The following SLC26A5 variants were observed in gnomAD, a reference collection of about 807,000 sequenced individuals.
SLC26A5 encodes solute carrier family 26 member 5, also known as prestin.
A neutral mutation model predicts 81.0 loss-of-function variants in SLC26A5; 51 were observed. That is an observed-to-expected ratio of 0.63 (90% CI 0.50 to 0.80). The LOEUF is 0.80. SLC26A5 is among the 30% of genes least tolerant of loss of function. The probability of loss-of-function intolerance (pLI) is 0.00; values close to 1 mark genes in which losing one functional copy is unlikely to be tolerated. For synonymous variants in SLC26A5, 325 were observed against 332.8 expected (o/e 0.98, Z 0.25); for missense variants, 771 against 905.8 (o/e 0.85, Z 1.91).
rs1413262458 is a variant in SLC26A5, at chr7:103,356,882, C to CT, written c.2042-3957dup. Among the ~76,000 whole-genome samples the CT allele has an allele frequency of 2.0e-5, 3 of 152,188 alleles. No individual in the cohort carries two copies. The East Asian group carries it at 5.8e-4, about 29-fold the overall frequency. ...AACATATTCTCCTCTGTTTATAATC[C>CT]TTTTAAAAATTTTGTTTTTATTTTT... On this transcript the variant is annotated intron_variant, in intron 19 of 19. Coordinates refer to the SLC26A5 transcript ENST00000339444.
intron 19 of SLC26A5, among the ~76,000 whole-genome samples, chr7:103,361,510 C>CAAAAAAAAAAAAAAAAAAAAA (rs759044767): frequency 2.0e-5 from 1 of 51,102 alleles, no homozygotes; most frequent in African/African-American, 6.5e-5. Flanking sequence ...AACTCCATCT[C>CAAAAAAAAAAAAAAAAAAAAA]AAAAAAAAAA....
chr7:103,361,242 G>C (rs1820376269), intron 19 of SLC26A5, among the ~76,000 whole-genome samples: 1 of 151,966 alleles, frequency 6.6e-6, no homozygotes, highest in Non-Finnish European at 1.5e-5. Flanking sequence ...CCAGCACTTT[G>C]GGAAGCTGAG....
At chr7:103,369,244 A>T (rs1395010187), downstream of SLC26A5, 1 of 152,222 alleles carries the variant, frequency 6.6e-6, no homozygotes, top group Non-Finnish European at 1.5e-5. Flanking sequence ...AGAAAAATTC[A>T]TCTTTTTTAA....
At chr7:103,387,574 G>A (rs1329542517) in intron 14 of SLC26A5, among the ~76,000 whole-genome samples, 1 of 152,206 alleles carries the variant, frequency 6.6e-6, no homozygotes, top group African/African-American at 2.4e-5. Flanking sequence ...GGAAGTATTA[G>A]TCTCATTTTA....
intron 2 of SLC26A5, among the ~76,000 whole-genome samples, chr7:103,433,840 C>G (rs1826258267): frequency 6.6e-6 from 1 of 151,460 alleles, no homozygotes; most frequent in Admixed American, 6.6e-5. Flanking sequence ...GTAGCTGGGA[C>G]TACAGGTGCC....
At chr7:103,384,915 A>G (rs1822065810) in intron 14 of SLC26A5, among the ~76,000 whole-genome samples, 1 of 152,194 alleles carries the variant, frequency 6.6e-6, no homozygotes, top group Non-Finnish European at 1.5e-5. Flanking sequence ...CCTTAGGACA[A>G]CGCAACCTTT....
At chr7:103,420,532 C>T (rs370801086) in intron 4 of SLC26A5, among the ~76,000 whole-genome samples, 2 of 152,048 alleles carry the variant, frequency 1.3e-5, no homozygotes, top group Non-Finnish European at 2.9e-5. Context: ...AACTCCCAGT[C>T]TCAAGTGATC....
At chr7:103,379,200 C>T (rs1477886342) in intron 16 of SLC26A5, 43 bp downstream of exon 16, 1 of 1,417,032 alleles carries the variant, frequency 7.1e-7, no homozygotes, top group South Asian at 1.1e-5. Context: ...CCTGTCAACC[C>T]ACAAATCCCA....
At chr7:103,429,522 T>A (rs1315411621) in intron 2 of SLC26A5, among the ~76,000 whole-genome samples, 1 of 152,236 alleles carries the variant, frequency 6.6e-6, no homozygotes, top group African/African-American at 2.4e-5. Flanking sequence ...AAAAAACATA[T>A]TTTCACTTAT....
At chr7:103,370,331 A>G (rs1820958163), downstream of SLC26A5, among the ~76,000 whole-genome samples, 1 of 152,080 alleles carries the variant, frequency 6.6e-6, no homozygotes, top group African/African-American at 2.4e-5. Context: ...GACATAAAAG[A>G]GCCTTCCCCA....
rs35536563 is a variant in SLC26A5, at chr7:103,445,298, G to C, written c.-183+800C>G. On this transcript the variant is annotated intron_variant, in intron 1 of 19. Transcript: ENST00000306312. ...CTGAGAACGTCCAGCACGCCTTCCC[G>C]GCGGGGCCCGGCCCAGGTGCGCACT... The C allele has an allele frequency of 2.6e-5, 4 of 152,246 alleles. No homozygotes were observed. The East Asian group carries it at 5.8e-4, about 22-fold the overall frequency. The allele number at this position is 152,246 out of a possible 1,614,324, so 9.4% of individuals were successfully genotyped here.
At chr7:103,394,413 C>G (rs534299582) in intron 9 of SLC26A5, among the ~76,000 whole-genome samples, 19 of 152,204 alleles carry the variant, frequency 1.2e-4, no homozygotes, top group Non-Finnish European at 2.4e-4. Context: ...TCCTTCCCTT[C>G]TCTTTGCTGC....
At chr7:103,377,887 T>C (rs1176380863) in intron 17 of SLC26A5, 88 bp from the exon 18 acceptor site, 2 of 1,307,652 alleles carry the variant, frequency 1.5e-6, no homozygotes, top group African/African-American at 2.9e-5. Context: ...AATCTGCTCT[T>C]GTGTTCTTAA....
chr7:103,414,188 C>G (rs528649256), intron 4 of SLC26A5, among the ~76,000 whole-genome samples: 4 of 134,494 alleles, frequency 3.0e-5, no homozygotes, highest in South Asian at 2.7e-4. Flanking sequence ...TTTTGCCCCC[C>G]CCTTTTTTTT....
downstream of SLC26A5, among the ~76,000 whole-genome samples, chr7:103,370,761 A>G (rs1483637451): frequency 6.6e-6 from 1 of 152,204 alleles, no homozygotes. Flanking sequence ...GCCCTGGTTC[A>G]CAAATGTTTT....
chr7:103,419,834 G>A (rs1327722763), intron 4 of SLC26A5, among the ~76,000 whole-genome samples: 4 of 151,658 alleles, frequency 2.6e-5, no homozygotes, highest in Non-Finnish European at 4.4e-5. Context: ...CACCACAGCC[G>A]GCCCTAGATC....
chr7:103,418,359 C>T (rs1455046406), intron 4 of SLC26A5, among the ~76,000 whole-genome samples: 1 of 152,186 alleles, frequency 6.6e-6, no homozygotes, highest in African/African-American at 2.4e-5. Context: ...TTCAACTAGG[C>T]AGAATCCTGA....
chr7:103,420,855 T>C lies in SLC26A5; in HGVS notation c.175A>G (p.Asn59Asp), dbSNP rs756867607. Residue 59 changes from asparagine to aspartate, a missense_variant, in exon 4 of 20, where the codon AAT becomes GAT. Coordinates refer to ENST00000306312, the MANE Select transcript of SLC26A5 (RefSeq NM_198999.3). Reference sequence around the variant, plus strand: ...ATGGGTAGGAACATATAAATGATATTTCTTATTTTTTTAGGAGTACATCTG... The same window carrying C: ...ATGGGTAGGAACATATAAATGATATCTCTTATTTTTTTAGGAGTACATCTG... ...AFTCTPKKIR[N>D]IIYMFLPITK... The C allele has an allele frequency of 2.5e-6, 4 of 1,612,050 alleles. No homozygotes were observed. The African/African-American group carries it at 4.0e-5, about 16-fold the overall frequency.
At chr7:103,388,200 T>G (rs1297538709) in intron 14 of SLC26A5, among the ~76,000 whole-genome samples, 4 of 148,000 alleles carry the variant, frequency 2.7e-5, no homozygotes, top group Non-Finnish European at 6.0e-5. Flanking sequence ...AAAGTTTTTT[T>G]TTTTTTTTTT....
Sources: allele counts gnomAD v4.1 joint callset (sites outside exome capture counted in the v4.1 genomes callset), GRCh38; gene constraint gnomAD v4.1.1; transcripts MANE v1.5; gene names NCBI Gene and HGNC (gene_info 2026-07-23, HGNC 2026-07-21).